Variants in PGBD5 observed in about 807,000 individuals in gnomAD.
PGBD5 encodes the protein piggyBac transposable element-derived protein 5.
A neutral mutation model predicts 47.9 loss-of-function variants in PGBD5; 14 were observed. That is an observed-to-expected ratio of 0.29 (90% CI 0.19 to 0.46). The LOEUF is 0.46. Ranked by LOEUF, PGBD5 falls within the 20% of genes least tolerant of loss-of-function variation. The pLI is 1.00. For synonymous variants in PGBD5, 316 were observed against 306.3 expected (o/e 1.03, Z -0.33); for missense variants, 635 against 716.0 (o/e 0.89, Z 1.29).
chr1:230,396,266 CTTTTTACCCCCACACTCT>C, intron 1 of PGBD5, among the ~76,000 whole-genome samples: 4 of 54,854 alleles, frequency 7.3e-5, no homozygotes, highest in Non-Finnish European at 1.1e-4. Flanking sequence ...CACACTCCTC[CTTTTTACCCCCACACTCT>C]TCCCTTTTAC....
chr1:230,337,946 CA>C (rs955883987), intron 3 of PGBD5, among the ~76,000 whole-genome samples: 1 of 152,002 alleles, frequency 6.6e-6, no homozygotes, highest in African/African-American at 2.4e-5. Flanking sequence ...AGAGCATGTT[CA>C]AAAAAATCAA....
chr1:230,359,926 T>C (rs1459151427), intron 1 of PGBD5, among the ~76,000 whole-genome samples: 1 of 152,186 alleles, frequency 6.6e-6, no homozygotes, highest in African/African-American at 2.4e-5. Flanking sequence ...GAAGAGGCCC[T>C]GGCTGGCATG....
Position 230,369,604 on chromosome 1 carries a change from T to C in PGBD5, c.332-12283A>G, listed in dbSNP as rs1324802798. Among the ~76,000 whole-genome samples, 5 of 126,934 alleles carry C rather than the reference T, an allele frequency of 3.9e-5. No individual in the cohort carries two copies. The Admixed American group carries it at 4.1e-4, about 10-fold the overall frequency. 83.3% of individuals were successfully genotyped at this position (126,934 alleles called of 152,430 possible). A position where few individuals can be genotyped will look rare whatever the true frequency, so the allele number is the denominator to read the frequency against. ...CTCCATCTCTTCCCCCATCAGGCCC[T>C]CTGTGCTTACTCCGTGTCTGTGTGT... On this transcript the variant is annotated intron_variant, in intron 1 of 6. Transcript: ENST00000391860.
intron 1 of PGBD5, among the ~76,000 whole-genome samples, chr1:230,414,305 C>A (rs962383292): frequency 2.6e-5 from 4 of 152,168 alleles, no homozygotes; most frequent in African/African-American, 9.7e-5. Context: ...CCAAAGACAG[C>A]CGCGGATCTT....
chr1:230,394,225 A>G (rs1309264045), intron 1 of PGBD5, among the ~76,000 whole-genome samples: 1 of 151,886 alleles, frequency 6.6e-6, no homozygotes, highest in East Asian at 1.9e-4. Flanking sequence ...AAAGCATGCT[A>G]GATAAACGTG....
chr1:230,355,397 C>T (rs1437968438), intron 2 of PGBD5, among the ~76,000 whole-genome samples: 2 of 152,226 alleles, frequency 1.3e-5, no homozygotes, highest in Non-Finnish European at 2.9e-5. Context: ...TTAGGCACAG[C>T]GAGCACACAG....
chr1:230,314,802 T>C lies in PGBD5; in HGVS notation c.*8623A>G, dbSNP rs1307809542. 1 of 152,184 alleles carries C rather than the reference T, an allele frequency of 6.6e-6. No individual in the cohort carries two copies. Among genetic ancestry groups the C allele is most frequent in the Non-Finnish European group, 1.5e-5 (1 of 68,036 alleles). The allele number at this position is 152,184 out of a possible 1,614,324, so 9.4% of individuals were successfully genotyped here. ...GTTTGTGATAAAATTAAAAATTTTC[T>C]GTGAAAGATTCTTAACTGGAAATTG... On this transcript the variant is annotated 3_prime_UTR_variant, in exon 7 of 7. Transcript: ENST00000391860.
chr1:230,404,101 C>T (rs984784324), intron 1 of PGBD5, among the ~76,000 whole-genome samples: 1 of 152,044 alleles, frequency 6.6e-6, no homozygotes, highest in African/African-American at 2.4e-5. Flanking sequence ...GTGGAAGATG[C>T]CGGGTGGAAG....
chr1:230,361,989 T>C (rs1667751103), intron 1 of PGBD5, among the ~76,000 whole-genome samples: 1 of 152,234 alleles, frequency 6.6e-6, no homozygotes, highest in East Asian at 1.9e-4. Flanking sequence ...GCAAAGGTCC[T>C]GTGGCCAGAC....
In PGBD5 at chr1:230,324,651, C is replaced by G. The variant is rs145166654; in HGVS notation, c.1379+659G>C. The stretch of plus-strand genomic sequence containing the variant: ...CTGTTCTAAGTGGTAAGGCTCAATC[C>G]CAGTAATTTAATAGTTTCAATGTTC... On this transcript the variant is annotated intron_variant, in intron 6 of 6. Transcript: ENST00000391860. 7.9e-5 allele frequency among the ~76,000 whole-genome samples: 12 copies of G among 152,198 alleles called. 1 individual carries two copies. Among genetic ancestry groups the G allele is most frequent in the African/African-American group, 2.9e-4 (12 of 41,536 alleles).
At chr1:230,404,992 T>C (rs945033353) in intron 1 of PGBD5, among the ~76,000 whole-genome samples, 4 of 150,604 alleles carry the variant, frequency 2.7e-5, no homozygotes, top group African/African-American at 9.7e-5. Context: ...TTTTTTTTTT[T>C]TAAAAAGATA....
At chr1:230,374,743 G>A (rs1393488102) in intron 1 of PGBD5, among the ~76,000 whole-genome samples, 1 of 152,164 alleles carries the variant, frequency 6.6e-6, no homozygotes, top group Non-Finnish European at 1.5e-5. Context: ...TCCAGGTAAA[G>A]GGCCAGTTTC....
chr1:230,393,373 C>CGAG, intron 1 of PGBD5, among the ~76,000 whole-genome samples: 1 of 151,366 alleles, frequency 6.6e-6, no homozygotes, highest in East Asian at 2.0e-4. Flanking sequence ...GGCGGGGATG[C>CGAG]GAGGAGGAGG....
At chr1:230,374,667 A>C (rs997287584) in intron 1 of PGBD5, among the ~76,000 whole-genome samples, 1 of 152,192 alleles carries the variant, frequency 6.6e-6, no homozygotes, top group African/African-American at 2.4e-5. Context: ...TATGAGTAGA[A>C]AAAGAACAAC....
intron 1 of PGBD5, among the ~76,000 whole-genome samples, chr1:230,403,574 G>A (rs527763650): frequency 6.6e-6 from 1 of 152,226 alleles, no homozygotes; most frequent in Non-Finnish European, 1.5e-5. Context: ...GGAGAGACCT[G>A]CGGGCCCTGG....
chr1:230,342,201 T>C (rs1272650138), intron 3 of PGBD5, among the ~76,000 whole-genome samples: 1 of 152,116 alleles, frequency 6.6e-6, no homozygotes, highest in African/African-American at 2.4e-5. Flanking sequence ...AGCTGATAGT[T>C]CCACTAAGCT....
intron 1 of PGBD5, among the ~76,000 whole-genome samples, chr1:230,371,710 C>T (rs1667931548): frequency 6.6e-6 from 1 of 152,144 alleles, no homozygotes; most frequent in African/African-American, 2.4e-5. Flanking sequence ...TTTGGAGCTG[C>T]CACACCACTG....
intron 1 of PGBD5, among the ~76,000 whole-genome samples, chr1:230,366,928 T>C (rs1185716997): frequency 6.6e-6 from 1 of 152,070 alleles, no homozygotes; most frequent in African/African-American, 2.4e-5. Context: ...TCTCACGAGT[T>C]CATATTTTTA....
In PGBD5 at chr1:230,338,396, C is replaced by T. The variant is rs112411900; in HGVS notation, c.895-1108G>A. On this transcript the variant is annotated intron_variant, in intron 3 of 6. Transcript: ENST00000391860. ...GATCTGCATTCCCGTTGTTTCCTTACGGCTGCAGGACTGAGGTCCTGTGTC... is the reference window on the plus strand; with the variant it reads ...GATCTGCATTCCCGTTGTTTCCTTATGGCTGCAGGACTGAGGTCCTGTGTC... 3.0e-3 allele frequency among the ~76,000 whole-genome samples: 458 copies of T among 152,308 alleles called. 3 individuals are homozygous for T. The highest frequency in any genetic ancestry group is 0.01 in the African/African-American group (420 of 41,564).
Sources: allele counts gnomAD v4.1 joint callset (sites outside exome capture counted in the v4.1 genomes callset), GRCh38; gene constraint gnomAD v4.1.1; transcripts MANE v1.5; gene names NCBI Gene and HGNC (gene_info 2026-07-23, HGNC 2026-07-21).